The following RCAN2 variants were observed in gnomAD, a reference collection of about 807,000 sequenced individuals.
RCAN2 encodes calcipressin-2.
In RCAN2, 9 loss-of-function variants were observed where a neutral mutation model predicts 23.6. That is an observed-to-expected ratio of 0.38 (90% CI 0.23 to 0.67). RCAN2 has a LOEUF of 0.67. Among genes scored for constraint, RCAN2 ranks in the 30% least tolerant of loss-of-function variants. RCAN2 has a pLI of 0.51. For synonymous variants in RCAN2, 109 were observed against 115.7 expected, an observed-to-expected ratio of 0.94 and a Z score of 0.37; for missense variants, 273 against 302.3, an observed-to-expected ratio of 0.90 and a Z score of 0.72.
At chr6:46,331,850 A>G (rs372303863) in intron 2 of RCAN2, among the ~76,000 whole-genome samples, 7 of 152,204 alleles carry the variant, frequency 4.6e-5, no homozygotes, top group Admixed American at 1.3e-4. Context: ...GCTAAAACAC[A>G]TAAGTCTTAC....
rs550044902 is a variant in RCAN2, at chr6:46,322,312, A to G, written c.226-73416T>C. Among the ~76,000 whole-genome samples the G allele has an allele frequency of 4.6e-5, 7 of 152,314 alleles. No homozygotes were observed. The East Asian group carries it at 1.2e-3, about 25-fold the overall frequency. On this transcript the variant is annotated intron_variant, in intron 2 of 4. Transcript: ENST00000371374. ...CTCTCAACTTCTAGATCTTTCTGAG[A>G]ACTCTCACATTGCAGAACAGACGGC...
intron 2 of RCAN2, among the ~76,000 whole-genome samples, chr6:46,362,581 A>G (rs1318723019): frequency 6.6e-6 from 1 of 152,132 alleles, no homozygotes; most frequent in Non-Finnish European, 1.5e-5. Flanking sequence ...GCATTACACT[A>G]CAAAACTGAT....
intron 2 of RCAN2, among the ~76,000 whole-genome samples, chr6:46,415,231 G>A (rs868380713): frequency 2.0e-5 from 3 of 152,296 alleles, no homozygotes; most frequent in Middle Eastern, 3.4e-3. Flanking sequence ...GATGACGGCG[G>A]AACCAGGGCA....
intron 2 of RCAN2, among the ~76,000 whole-genome samples, chr6:46,336,293 G>T (rs1764141007): frequency 1.3e-5 from 2 of 152,228 alleles, no homozygotes; most frequent in Admixed American, 1.3e-4. Context: ...AGAGAACTCA[G>T]TGACTAGACT....
At chr6:46,356,600 G>A (rs1237324410) in intron 2 of RCAN2, among the ~76,000 whole-genome samples, 1 of 152,176 alleles carries the variant, frequency 6.6e-6, no homozygotes, top group Middle Eastern at 3.2e-3. Context: ...GGCTTGGATG[G>A]ATGTGAACGT....
At chr6:46,440,616 A>C (rs960782028) in intron 2 of RCAN2, among the ~76,000 whole-genome samples, 1 of 152,068 alleles carries the variant, frequency 6.6e-6, no homozygotes, top group East Asian at 1.9e-4. Flanking sequence ...ACATATATAC[A>C]TAATTAGGTT....
chr6:46,403,192 C>T (rs892507233), intron 2 of RCAN2, among the ~76,000 whole-genome samples: 7 of 152,216 alleles, frequency 4.6e-5, no homozygotes, highest in Admixed American at 3.3e-4. Flanking sequence ...GTCTCAATCT[C>T]CTGACCTTGT....
At chr6:46,285,425 A>C (rs1345981242) in intron 2 of RCAN2, among the ~76,000 whole-genome samples, 3 of 152,232 alleles carry the variant, frequency 2.0e-5, no homozygotes, top group Admixed American at 6.5e-5. Context: ...GTAATGTAAG[A>C]ATTACCTGGA....
intron 1 of RCAN2, among the ~76,000 whole-genome samples, chr6:46,480,716 C>T (rs967631884): frequency 6.6e-6 from 1 of 151,994 alleles, no homozygotes; most frequent in Non-Finnish European, 1.5e-5. Flanking sequence ...AGCTCTGCCT[C>T]CTGGGTTCAC....
chr6:46,241,294 A>T (rs1296334949), intron 4 of RCAN2, among the ~76,000 whole-genome samples: 1 of 152,226 alleles, frequency 6.6e-6, no homozygotes, highest in Non-Finnish European at 1.5e-5. Context: ...ATTTCAAAAT[A>T]AATATTCAAC....
chr6:46,234,288 G>C (rs1010652263), intron 4 of RCAN2, among the ~76,000 whole-genome samples: 1 of 152,218 alleles, frequency 6.6e-6, no homozygotes, highest in Admixed American at 6.5e-5. Flanking sequence ...AGCCAGCAAA[G>C]CTTAACAGCT....
At chr6:46,416,721 C>A (rs1041501562) in intron 2 of RCAN2, among the ~76,000 whole-genome samples, 1 of 151,776 alleles carries the variant, frequency 6.6e-6, no homozygotes, top group East Asian at 1.9e-4. Flanking sequence ...GGGGTTTCAT[C>A]ATGTTGCCCA....
intron 2 of RCAN2, among the ~76,000 whole-genome samples, chr6:46,318,879 C>G (rs767066990): frequency 6.6e-6 from 1 of 152,100 alleles, no homozygotes; most frequent in African/African-American, 2.4e-5. Flanking sequence ...TAGGGAAGGT[C>G]TAACTTGGTA....
In RCAN2 at chr6:46,297,345, C is replaced by T. The variant is rs577336140; in HGVS notation, c.226-48449G>A. On this transcript the variant is annotated intron_variant, in intron 2 of 4. Coordinates refer to ENST00000371374, the MANE Select transcript of RCAN2 (RefSeq NM_001251974.2). ...AAGAAGTGAGGATACTCTCAAAAAG[C>T]GAATAATCACAGTAAAGCTTCTTAG... is the stretch of plus-strand genomic sequence containing the variant. 5.3e-5 allele frequency among the ~76,000 whole-genome samples: 8 copies of T among 152,198 alleles called. 1 individual carries two copies. The South Asian group carries it at 1.0e-3, about 20-fold the overall frequency.
At chr6:46,364,429 A>G (rs1048868435) in intron 2 of RCAN2, among the ~76,000 whole-genome samples, 8 of 152,168 alleles carry the variant, frequency 5.3e-5, no homozygotes, top group Non-Finnish European at 1.2e-4. Context: ...TAAAATTATT[A>G]GGCAGGGTTA....
intron 4 of RCAN2, among the ~76,000 whole-genome samples, chr6:46,229,274 C>A (rs976290126): frequency 6.6e-6 from 1 of 152,098 alleles, no homozygotes; most frequent in Non-Finnish European, 1.5e-5. Flanking sequence ...CATGGAGTAT[C>A]TTTGTGGCGT....
chr6:46,339,902 C>T (rs1434690718), intron 2 of RCAN2, among the ~76,000 whole-genome samples: 1 of 151,710 alleles, frequency 6.6e-6, no homozygotes, highest in Non-Finnish European at 1.5e-5. Flanking sequence ...AGTGGAAAGC[C>T]ATTCTCCTCC....
At chr6:46,261,350 A>C (rs925242060) in intron 2 of RCAN2, among the ~76,000 whole-genome samples, 1 of 152,230 alleles carries the variant, frequency 6.6e-6, no homozygotes, top group Non-Finnish European at 1.5e-5. Context: ...AACCTTGAAC[A>C]ATGTACTTAC....
chr6:46,327,199 G>A (rs1763820427), intron 2 of RCAN2, among the ~76,000 whole-genome samples: 1 of 152,172 alleles, frequency 6.6e-6, no homozygotes, highest in Non-Finnish European at 1.5e-5. Context: ...GGATGGTGAT[G>A]GCTGAATAGG....
Sources: allele counts gnomAD v4.1 joint callset (sites outside exome capture counted in the v4.1 genomes callset), GRCh38; gene constraint gnomAD v4.1.1; transcripts MANE v1.5; gene names NCBI Gene and HGNC (gene_info 2026-07-23, HGNC 2026-07-21).